Variants in REV1 observed in about 807,000 individuals in gnomAD.
The protein encoded by REV1 is REV1 DNA directed polymerase, also known as translesion synthesis protein REV1.
In REV1, 42 loss-of-function variants were observed where a neutral mutation model predicts 137.4. The observed-to-expected ratio is 0.31, with a 90% confidence interval of 0.24 to 0.40. The LOEUF is 0.40. Among genes scored for constraint, REV1 ranks in the 10% least tolerant of loss-of-function variants. The pLI is 1.00. For missense variants in REV1, 1,282 were observed against 1,490.1 expected (o/e 0.86, Z 2.30); for synonymous variants, 524 against 519.2 (o/e 1.01, Z -0.12).
At chr2:99,482,768 C>G (rs1559426112) in intron 1 of REV1, among the ~76,000 whole-genome samples, 1 of 152,092 alleles carries the variant, frequency 6.6e-6, no homozygotes, top group Non-Finnish European at 1.5e-5. Flanking sequence ...AAAAAATTTA[C>G]ACTTTGGGAG....
At chr2:99,409,124 TTAAAG>T (rs775333740) in intron 14 of REV1, among the ~76,000 whole-genome samples, 3 of 152,200 alleles carry the variant, frequency 2.0e-5, no homozygotes, top group Admixed American at 2.0e-4. Context: ...AAATAAGTTT[TTAAAG>T]TAAATAAATA....
At chr2:99,424,804 C>G (rs576322594) in intron 9 of REV1, 1 of 1,304,252 alleles carries the variant, frequency 7.7e-7, no homozygotes, top group South Asian at 1.2e-5. Context: ...ATTCCATGCT[C>G]CTGAAGTGGC....
Position 99,403,822 on chromosome 2 carries a change from G to A in REV1, c.3046-7C>T, listed in dbSNP as rs377748825. 95 of 1,613,880 alleles carry A rather than the reference G, an allele frequency of 5.9e-5. No homozygotes were observed. In the African/African-American group the frequency reaches 1.2e-3, roughly 20 times the overall value. ...CAAATACCTCAGGGTCCACCTAGTG[G>A]AAAAGACGAGGTCAAAGTCAAACCT... On this transcript the variant is annotated splice_polypyrimidine_tract_variant and splice_region_variant and intron_variant, in intron 18 of 22. Transcript: ENST00000258428.
intron 9 of REV1, among the ~76,000 whole-genome samples, chr2:99,425,099 C>T (rs1679169139): frequency 1.3e-5 from 2 of 152,070 alleles, no homozygotes; most frequent in Admixed American, 6.6e-5. Flanking sequence ...CACCAAATTA[C>T]ATATTATATA....
intron 3 of REV1, chr2:99,451,307 A>C: frequency 2.6e-6 from 3 of 1,144,254 alleles, no homozygotes; most frequent in Non-Finnish European, 3.3e-6. Context: ...CGTCAAGAAC[A>C]CATTAACTTT....
At chr2:99,468,512 C>CA (rs1685066655) in intron 1 of REV1, among the ~76,000 whole-genome samples, 1 of 152,186 alleles carries the variant, frequency 6.6e-6, no homozygotes, top group African/African-American at 2.4e-5. Flanking sequence ...CCTGTATTGA[C>CA]AAACCATCCA....
At chr2:99,446,279 T>C (rs1682193685) in intron 4 of REV1, among the ~76,000 whole-genome samples, 1 of 152,154 alleles carries the variant, frequency 6.6e-6, no homozygotes, top group South Asian at 2.1e-4. Flanking sequence ...TCTCCTCAAA[T>C]ACAAAATGAG....
chr2:99,481,546 CT>C, intron 1 of REV1, among the ~76,000 whole-genome samples: 2 of 152,302 alleles, frequency 1.3e-5, no homozygotes, highest in East Asian at 3.9e-4. Context: ...TCTGTTCTCA[CT>C]TCTTTAGCCA....
At chr2:99,465,645 T>C (rs1684709163) in intron 1 of REV1, among the ~76,000 whole-genome samples, 1 of 152,194 alleles carries the variant, frequency 6.6e-6, no homozygotes, top group African/African-American at 2.4e-5. Context: ...AATATATAAT[T>C]CATAAAAAGA....
At position 99,400,523 on chromosome 2, in the gene REV1, A is replaced by AT. The variant is rs1675225989; in HGVS notation, c.*717dup. Reference sequence around the variant, plus strand: ...TTAAAGTTATGGCATAACATATAACATAAAAATATTTTATATACGTTTGAA... The same window carrying AT: ...TTAAAGTTATGGCATAACATATAACATTAAAAATATTTTATATACGTTTGAA... On this transcript the variant is annotated 3_prime_UTR_variant, in exon 23 of 23. Coordinates refer to ENST00000258428, the MANE Select transcript of REV1 (RefSeq NM_016316.4). The AT allele has an allele frequency of 6.6e-6, 1 of 152,196 alleles. No homozygotes were observed. Among genetic ancestry groups the AT allele is most frequent in the South Asian group, 2.1e-4 (1 of 4,836 alleles). The allele number at this position is 152,196 out of a possible 1,614,324, so 9.4% of individuals were successfully genotyped here. A position where few individuals can be genotyped will look rare whatever the true frequency, so the allele number is the denominator to read the frequency against.
intron 12 of REV1, among the ~76,000 whole-genome samples, chr2:99,413,559 A>G (rs990059674): frequency 2.6e-5 from 4 of 152,206 alleles, no homozygotes; most frequent in Admixed American, 2.0e-4. Flanking sequence ...TTTAATCAAA[A>G]GGATGATCTC....
At position 99,424,204 on chromosome 2, in the gene REV1, C is replaced by T. The variant is rs776667456; in HGVS notation, c.1624G>A (p.Asp542Asn). Residue 542 changes from aspartate (D) to asparagine (N), a missense_variant, in exon 10 of 23, where the codon GAT becomes AAT. Around this residue, in one of 7 missense-constraint regions of REV1, gnomAD observed 372 missense variants for 482.3 expected, o/e 0.77. Transcript: ENST00000258428. Reference protein sequence around the residue: ...LCPNLQAVPYDFHAYKEVAQT... With the variant: ...LCPNLQAVPYNFHAYKEVAQT... ...GCGACTTCCTTATATGCATGAAAATCGTATGGAACAGCTTGAAGATTAGGA... is the reference window on the plus strand; with the variant it reads ...GCGACTTCCTTATATGCATGAAAATTGTATGGAACAGCTTGAAGATTAGGA... The T allele has an allele frequency of 6.8e-6, 11 of 1,613,720 alleles. No individual in the cohort carries two copies. In the South Asian group the frequency reaches 8.8e-5, roughly 13 times the overall value.
At chr2:99,464,668 C>T (rs1460347058) in intron 2 of REV1, among the ~76,000 whole-genome samples, 1 of 152,108 alleles carries the variant, frequency 6.6e-6, no homozygotes, top group Non-Finnish European at 1.5e-5. Context: ...ATTAGCAATG[C>T]TGCAATAAAA....
intron 8 of REV1, among the ~76,000 whole-genome samples, chr2:99,432,563 A>G (rs541726639): frequency 6.6e-6 from 1 of 152,376 alleles, no homozygotes; most frequent in Admixed American, 6.5e-5. Context: ...TATTCTGGTG[A>G]GCTCCTAATA....
chr2:99,438,758 G>T lies in REV1; in HGVS notation c.1056C>A (p.Phe352Leu), dbSNP rs988582691. 3.7e-6 allele frequency: 6 copies of T among 1,614,062 alleles called. No individual in the cohort carries two copies. Among genetic ancestry groups the T allele is most frequent in the South Asian group, 1.1e-5 (1 of 91,088 alleles). Residue 352 changes from phenylalanine (F) to leucine (L), a missense_variant, in exon 6 of 23, where the codon TTC becomes TTA. Coordinates refer to ENST00000258428, the MANE Select transcript of REV1 (RefSeq NM_016316.4). The stretch of plus-strand genomic sequence containing the variant: ...TGTGATGCAGTCTTGAATGAGAATA[G>T]AAGTTTGAAATAAAATTGCAGTCTG... ...KPSDCNFISNFYSHSRLHHIS... is the reference protein window; with the variant it reads ...KPSDCNFISNLYSHSRLHHIS...
chr2:99,462,415 A>T, intron 3 of REV1, 81 bp downstream of exon 3: 1 of 1,325,340 alleles, frequency 7.5e-7, no homozygotes. Context: ...ATAAATGAGT[A>T]AAAATAGAAT....
At chr2:99,480,187 G>C (rs1476757868) in intron 1 of REV1, among the ~76,000 whole-genome samples, 5 of 152,144 alleles carry the variant, frequency 3.3e-5, no homozygotes, top group Non-Finnish European at 7.3e-5. Flanking sequence ...GCCAGTCATG[G>C]TGGTGCACGC....
chr2:99,462,247 TA>T (rs1477392497), intron 3 of REV1, among the ~76,000 whole-genome samples: 1 of 152,190 alleles, frequency 6.6e-6, no homozygotes, highest in Non-Finnish European at 1.5e-5. Context: ...CCATGTGTGG[TA>T]ATTTCCCGTT....
intron 9 of REV1, among the ~76,000 whole-genome samples, chr2:99,425,639 T>G (rs867283899): frequency 2.0e-5 from 3 of 152,128 alleles, no homozygotes; most frequent in African/African-American, 4.8e-5. Flanking sequence ...AGAAAAAAGG[T>G]CTGGTGTTGA....
Sources: gnomAD v4.1 joint callset for allele counts (sites outside exome capture counted in the v4.1 genomes callset) on GRCh38, gnomAD v4.1.1 for gene constraint, gnomAD v4.1.1 regional missense constraint, MANE v1.5 for transcripts, NCBI Gene and HGNC (gene_info 2026-07-23, HGNC 2026-07-21) for gene names.